Variants in TLK1 observed in about 807,000 individuals in gnomAD.
TLK1 encodes the protein serine/threonine-protein kinase tousled-like 1.
In TLK1, 24 loss-of-function variants were observed where a neutral mutation model predicts 105.3. That is an observed-to-expected ratio of 0.23 (90% CI 0.17 to 0.32). The LOEUF (loss-of-function observed/expected upper bound fraction) is 0.32. Ranked by LOEUF, TLK1 falls within the 10% of genes least tolerant of loss-of-function variation. The probability of loss-of-function intolerance (pLI) is 1.00; values close to 1 mark genes in which losing one functional copy is unlikely to be tolerated. For missense variants in TLK1, 558 were observed against 910.5 expected, an observed-to-expected ratio of 0.61 and a Z score of 4.98; for synonymous variants, 321 against 310.4, an observed-to-expected ratio of 1.03 and a Z score of -0.36.
chr2:171,088,424 T>C (rs940819070), intron 2 of TLK1, among the ~76,000 whole-genome samples: 1 of 152,210 alleles, frequency 6.6e-6, no homozygotes, highest in Non-Finnish European at 1.5e-5. Context: ...TGCACAGATA[T>C]GAACAAAGTC....
chr2:171,046,996 TTAATA>T (rs1379390508), intron 10 of TLK1, among the ~76,000 whole-genome samples: 1 of 152,108 alleles, frequency 6.6e-6, no homozygotes, highest in East Asian at 1.9e-4. Context: ...CAAATTAACC[TTAATA>T]TAAGAAATTT....
At chr2:171,090,579 A>G (rs955767197) in intron 2 of TLK1, among the ~76,000 whole-genome samples, 2 of 152,220 alleles carry the variant, frequency 1.3e-5, no homozygotes, top group African/African-American at 2.4e-5. Context: ...TTTGCTACAA[A>G]GTCATCAAAT....
chr2:171,154,456 G>A (rs910205868), intron 1 of TLK1: 3 of 151,908 alleles, frequency 2.0e-5, no homozygotes, highest in African/African-American at 7.3e-5. Context: ...TGAATTTTGG[G>A]CCCAACTGTC....
At chr2:171,071,305 T>G (rs371545384) in intron 3 of TLK1, among the ~76,000 whole-genome samples, 122 of 152,226 alleles carry the variant, frequency 8.0e-4, no homozygotes, top group African/African-American at 2.7e-3. Context: ...TTTTTTTTTT[T>G]GACATGGAGT....
intron 1 of TLK1, among the ~76,000 whole-genome samples, chr2:171,139,459 A>G (rs1691478068): frequency 6.6e-6 from 1 of 152,040 alleles, no homozygotes; most frequent in South Asian, 2.1e-4. Flanking sequence ...TTAGCTGGGC[A>G]TGGTGGCACA....
At position 171,050,218 on chromosome 2, in the gene TLK1, A is replaced by G. The variant is rs748184248; in HGVS notation, c.733-44T>C. The G allele has an allele frequency of 6.6e-6, 9 of 1,364,646 alleles. No individual in the cohort carries two copies. In the African/African-American group the frequency reaches 1.2e-4, roughly 18 times the overall value. The allele number at this position is 1,364,646 out of a possible 1,614,324, so 84.5% of individuals were successfully genotyped here. On this transcript the variant is annotated intron_variant, in intron 8 of 20. Transcript: ENST00000431350. ...ATGCAAGAGGTCTAGACTGGGGAAT[A>G]TGAAAAGCTTAGAAATAGTTTTAAT...
intron 2 of TLK1, among the ~76,000 whole-genome samples, chr2:171,108,467 T>G (rs1014360444): frequency 2.6e-5 from 4 of 152,106 alleles, no homozygotes; most frequent in Non-Finnish European, 2.9e-5. Flanking sequence ...CAAGAAGACA[T>G]TAAGCAATAG....
At chr2:171,033,121 G>GCTTA (rs143780626) in intron 11 of TLK1, among the ~76,000 whole-genome samples, 6,543 of 152,056 alleles carry the variant, frequency 0.043, 412 homozygotes, top group African/African-American at 0.14. Context: ...AAGGAGAATC[G>GCTTA]CTTAAACCTG....
intron 11 of TLK1, among the ~76,000 whole-genome samples, chr2:171,033,011 C>A (rs896831078): frequency 7.9e-5 from 12 of 152,136 alleles, no homozygotes; most frequent in Non-Finnish European, 1.8e-4. Flanking sequence ...AGTTCAAAAC[C>A]AGCCTGGGCA....
At chr2:171,029,804 G>A (rs1332204139) in intron 11 of TLK1, among the ~76,000 whole-genome samples, 1 of 151,924 alleles carries the variant, frequency 6.6e-6, no homozygotes, top group East Asian at 1.9e-4. Flanking sequence ...GGAGTGCAGT[G>A]GCCACGATCT....
At chr2:171,039,156 C>T (rs1383421751) in intron 11 of TLK1, among the ~76,000 whole-genome samples, 1 of 152,064 alleles carries the variant, frequency 6.6e-6, no homozygotes, top group African/African-American at 2.4e-5. Flanking sequence ...CTTTTCTAAA[C>T]TGTTATTTCA....
intron 1 of TLK1, among the ~76,000 whole-genome samples, chr2:171,177,929 G>A (rs559499773): frequency 5.3e-5 from 8 of 152,140 alleles, no homozygotes; most frequent in African/African-American, 1.9e-4. Context: ...AAGTAGCTGG[G>A]ATTACAGGCA....
chr2:171,056,332 C>T, intron 6 of TLK1, 139 bp downstream of exon 6: 1 of 567,702 alleles, frequency 1.8e-6, no homozygotes, highest in Middle Eastern at 5.2e-4. Context: ...TAATTCATGT[C>T]ACAGAAATAA....
At chr2:171,019,751 C>T (rs1030968885) in intron 12 of TLK1, among the ~76,000 whole-genome samples, 1 of 152,058 alleles carries the variant, frequency 6.6e-6, no homozygotes, top group African/African-American at 2.4e-5. Flanking sequence ...TTAAGAAAAC[C>T]GGTTCAGAAT....
Position 170,993,668 on chromosome 2 carries a change from T to TAAAAAAAAAAAAAAAAAAAA in TLK1, c.*92_*111dup, listed in dbSNP as rs71008739. On this transcript the variant is annotated 3_prime_UTR_variant, in exon 21 of 21. Coordinates refer to ENST00000431350, the MANE Select transcript of TLK1 (RefSeq NM_012290.5). ...AAACAGTTCTTAACCACGTCTTGTG[T>TAAAAAAAAAAAAAAAAAAAA]AAAAAAAAAAAAAAAAAAAAAAGAA... is the stretch of plus-strand genomic sequence containing the variant. 2 of 433,794 alleles carry TAAAAAAAAAAAAAAAAAAAA rather than the reference T, an allele frequency of 4.6e-6. No homozygotes were observed. Among genetic ancestry groups the TAAAAAAAAAAAAAAAAAAAA allele is most frequent in the East Asian group, 6.5e-5 (1 of 15,488 alleles). The allele number at this position is 433,794 out of a possible 1,614,324, so 26.9% of individuals were successfully genotyped here.
intron 1 of TLK1, among the ~76,000 whole-genome samples, chr2:171,148,280 A>G (rs1000253948): frequency 2.6e-5 from 4 of 152,160 alleles, no homozygotes; most frequent in Non-Finnish European, 4.4e-5. Flanking sequence ...CCAAGGAGAA[A>G]GAGTGCTTTA....
intron 1 of TLK1, among the ~76,000 whole-genome samples, chr2:171,195,787 G>A (rs970866206): frequency 7.9e-5 from 12 of 152,002 alleles, no homozygotes; most frequent in African/African-American, 1.5e-4. Flanking sequence ...AGTGGCTCAC[G>A]CCTGTAATCC....
At chr2:171,065,569 G>A (rs1015694801) in intron 3 of TLK1, among the ~76,000 whole-genome samples, 10 of 148,028 alleles carry the variant, frequency 6.8e-5, no homozygotes, top group Admixed American at 3.4e-4. Context: ...ACGGAGTCTC[G>A]CTCTGTCGCC....
In TLK1 at chr2:171,006,799, C is replaced by T. The variant is rs1684672750; in HGVS notation, c.1598+1G>A. On this transcript the variant is annotated splice_donor_variant, in intron 16 of 20. Coordinates refer to ENST00000431350, the MANE Select transcript of TLK1 (RefSeq NM_012290.5). LOFTEE classifies it high-confidence loss of function. ...AAAATTGAACCTTAATATTCACTTA[C>T]GTATCTGTATCCAAGGAGAAATAAT... is the stretch of plus-strand genomic sequence containing the variant. The T allele has an allele frequency of 1.2e-6, 2 of 1,611,204 alleles. No homozygotes were observed. The highest frequency in any genetic ancestry group is 1.7e-6 in the Non-Finnish European group (2 of 1,177,848).
Sources: gnomAD v4.1 joint callset for allele counts (sites outside exome capture counted in the v4.1 genomes callset) on GRCh38, gnomAD v4.1.1 for gene constraint, MANE v1.5 for transcripts, NCBI Gene and HGNC (gene_info 2026-07-23, HGNC 2026-07-21) for gene names.